The following STXBP6 variants were observed in gnomAD, a reference collection of about 807,000 sequenced individuals.
STXBP6 encodes syntaxin binding protein 6.
Under a neutral mutation model 26.9 loss-of-function variants are expected in STXBP6, and 21 were observed. That is an observed-to-expected ratio of 0.78 (90% CI 0.55 to 1.12). The LOEUF (loss-of-function observed/expected upper bound fraction) is 1.12, where lower values mean the gene tolerates loss of function less well. Ranked by LOEUF, STXBP6 falls within the 50% of genes most tolerant of loss-of-function variation. The pLI is 0.00. For missense variants in STXBP6, 232 were observed against 257.9 expected (o/e 0.90, Z 0.69); for synonymous variants, 97 against 92.6 (o/e 1.05, Z -0.27).
rs140975170 is a variant in STXBP6, at chr14:24,975,989, G to A, written c.-32-1139C>T. On this transcript the variant is annotated intron_variant, in intron 1 of 5. Transcript: ENST00000323944. Reference sequence around the variant, plus strand: ...GGACATGCAGAGTATCAGAGATCCCGCATATGGATCAACAGCATAGCTATC... The same window carrying A: ...GGACATGCAGAGTATCAGAGATCCCACATATGGATCAACAGCATAGCTATC... Among the ~76,000 whole-genome samples, 8 of 152,278 alleles carry A rather than the reference G, an allele frequency of 5.3e-5. No homozygotes were observed. In the East Asian group the frequency reaches 9.6e-4, roughly 18 times the overall value.
At chr14:25,040,253 T>G (rs1158911026) in intron 1 of STXBP6, among the ~76,000 whole-genome samples, 2 of 152,228 alleles carry the variant, frequency 1.3e-5, no homozygotes, top group Non-Finnish European at 2.9e-5. Flanking sequence ...AGTCACATTA[T>G]TCTGGAACTT....
At chr14:24,874,543 G>A (rs555311916) in intron 2 of STXBP6, among the ~76,000 whole-genome samples, 11 of 152,068 alleles carry the variant, frequency 7.2e-5, no homozygotes, top group Admixed American at 5.9e-4. Flanking sequence ...AATCCAAATC[G>A]CTCCCAAATG....
rs1168866803 is a variant in STXBP6 at position 24,810,068 on chromosome 14, C to G, written c.*2641G>C. On this transcript the variant is annotated 3_prime_UTR_variant, in exon 6 of 6. Transcript: ENST00000323944. The stretch of plus-strand genomic sequence containing the variant: ...CCTGAATAACTGCATACTTTCTGTA[C>G]ACAGGTATCTAATAATACTAGTGAG... The G allele has an allele frequency of 6.6e-6, 1 of 152,164 alleles. No homozygotes were observed. The highest frequency in any genetic ancestry group is 1.9e-4 in the East Asian group (1 of 5,194). The allele number at this position is 152,164 out of a possible 1,614,324, so 9.4% of individuals were successfully genotyped here.
At chr14:24,895,926 C>T (rs1194692325) in intron 2 of STXBP6, among the ~76,000 whole-genome samples, 1 of 152,156 alleles carries the variant, frequency 6.6e-6, no homozygotes, top group African/African-American at 2.4e-5. Flanking sequence ...AACACAGTAC[C>T]AGCACACAGA....
chr14:24,916,275 C>T (rs1466623927), intron 2 of STXBP6, among the ~76,000 whole-genome samples: 1 of 152,112 alleles, frequency 6.6e-6, no homozygotes, highest in Non-Finnish European at 1.5e-5. Context: ...AGGCTCAACT[C>T]ATCCTATTTT....
chr14:24,981,850 C>A (rs916996594), intron 1 of STXBP6, among the ~76,000 whole-genome samples: 1 of 152,134 alleles, frequency 6.6e-6, no homozygotes, highest in Non-Finnish European at 1.5e-5. Context: ...ATCCACCCAA[C>A]AGAATATTAC....
chr14:25,030,715 C>T (rs2075437692), intron 1 of STXBP6, among the ~76,000 whole-genome samples: 1 of 152,034 alleles, frequency 6.6e-6, no homozygotes, highest in South Asian at 2.1e-4. Context: ...CCTATCTGTC[C>T]CTCCTCGGCC....
Position 24,996,864 on chromosome 14 carries a change from C to CAAAAAA in STXBP6, c.-32-22020_-32-22015dup, listed in dbSNP as rs753413417. Among the ~76,000 whole-genome samples, 74 of 60,720 alleles carry CAAAAAA rather than the reference C, an allele frequency of 1.2e-3. 1 individual carries two copies. The highest frequency in any genetic ancestry group is 1.5e-3 in the African/African-American group (24 of 15,612). The allele number at this position is 60,720 out of a possible 152,430, so 39.8% of individuals were successfully genotyped here. A position where few individuals can be genotyped will look rare whatever the true frequency, so the allele number is the denominator to read the frequency against. On this transcript the variant is annotated intron_variant, in intron 1 of 5. Coordinates refer to ENST00000323944, the MANE Select transcript of STXBP6 (RefSeq NM_001394410.1). The stretch of plus-strand genomic sequence containing the variant: ...GAGAGAAATGAGTGAAACTCTGTCT[C>CAAAAAA]AAAAAAAAAAAAAAAAAAAAAAGAG...
chr14:24,950,605 T>C (rs2073131282), intron 2 of STXBP6, among the ~76,000 whole-genome samples: 1 of 152,186 alleles, frequency 6.6e-6, no homozygotes, highest in South Asian at 2.1e-4. Flanking sequence ...AGGATTCTAT[T>C]TATATAAAGT....
intron 2 of STXBP6, among the ~76,000 whole-genome samples, chr14:24,882,974 G>A (rs1345974067): frequency 6.6e-6 from 1 of 152,168 alleles, no homozygotes; most frequent in Admixed American, 6.5e-5. Flanking sequence ...TCATGACATT[G>A]TTTATAGTAA....
intron 4 of STXBP6, among the ~76,000 whole-genome samples, chr14:24,849,540 C>T (rs551471616): frequency 6.6e-6 from 1 of 152,244 alleles, no homozygotes; most frequent in Admixed American, 6.6e-5. Flanking sequence ...TCAGCTGTAT[C>T]TCTTAATGGC....
chr14:24,846,525 T>C lies in STXBP6; in HGVS notation c.451+9411A>G, dbSNP rs1299817518. 3.3e-5 allele frequency among the ~76,000 whole-genome samples: 5 copies of C among 152,318 alleles called. No individual in the cohort carries two copies. The East Asian group carries it at 9.6e-4, about 29-fold the overall frequency. On this transcript the variant is annotated intron_variant, in intron 4 of 5. Coordinates refer to ENST00000323944, the MANE Select transcript of STXBP6 (RefSeq NM_001394410.1). The stretch of plus-strand genomic sequence containing the variant: ...GTTTTCCATATTTGTTTTGGCTGGC[T>C]ACAAACTGGGAGAGTGGATGTCCAT...
Position 24,812,620 on chromosome 14 carries a change from GAAGC to G in STXBP6, c.*85_*88del. The G allele has an allele frequency of 7.7e-7, 1 of 1,297,244 alleles. No homozygotes were observed. Among genetic ancestry groups the G allele is most frequent in the South Asian group, 1.2e-5 (1 of 80,652 alleles). The allele number at this position is 1,297,244 out of a possible 1,614,324, so 80.4% of individuals were successfully genotyped here. ...TAAGTGTCCAAATATTGGAAAAAAA[GAAGC>G]AAGCGGAGGTCCCGAATTCTTGTAA... On this transcript the variant is annotated 3_prime_UTR_variant, in exon 6 of 6. Transcript: ENST00000323944.
chr14:24,969,133 A>G (rs917104073), intron 2 of STXBP6, among the ~76,000 whole-genome samples: 18 of 152,226 alleles, frequency 1.2e-4, no homozygotes, highest in African/African-American at 4.1e-4. Context: ...TTCATCAAAA[A>G]GCATTCAGAA....
At chr14:24,954,343 C>T (rs1380448290) in intron 2 of STXBP6, among the ~76,000 whole-genome samples, 1 of 152,084 alleles carries the variant, frequency 6.6e-6, no homozygotes, top group Non-Finnish European at 1.5e-5. Flanking sequence ...AGAGAAGACT[C>T]TGGAAAGCAG....
At chr14:24,924,431 T>C (rs2072089785) in intron 2 of STXBP6, among the ~76,000 whole-genome samples, 1 of 152,220 alleles carries the variant, frequency 6.6e-6, no homozygotes, top group Non-Finnish European at 1.5e-5. Context: ...AACCCAGTAA[T>C]GCAATTTTCT....
chr14:24,838,610 G>T (rs1027472718), intron 4 of STXBP6, among the ~76,000 whole-genome samples: 2 of 151,998 alleles, frequency 1.3e-5, no homozygotes, highest in Admixed American at 1.3e-4. Flanking sequence ...CTTGAACTCG[G>T]GAGATGGAGG....
chr14:24,942,303 G>A (rs1364864952), intron 2 of STXBP6, among the ~76,000 whole-genome samples: 3 of 152,094 alleles, frequency 2.0e-5, no homozygotes, highest in Non-Finnish European at 2.9e-5. Flanking sequence ...TTTTTACCAG[G>A]GAAAACTAGA....
intron 2 of STXBP6, among the ~76,000 whole-genome samples, chr14:24,950,594 T>C (rs1389743404): frequency 1.3e-5 from 2 of 152,184 alleles, no homozygotes; most frequent in Non-Finnish European, 2.9e-5. Flanking sequence ...GTACATATTC[T>C]AGGATTCTAT....
Sources: allele counts gnomAD v4.1 joint callset (sites outside exome capture counted in the v4.1 genomes callset), GRCh38; gene constraint gnomAD v4.1.1; transcripts MANE v1.5; gene names NCBI Gene and HGNC (gene_info 2026-07-23, HGNC 2026-07-21).